COL21A1: variants seen among roughly 807,000 people sequenced by gnomAD.
COL21A1 encodes the protein collagen alpha-1(XXI) chain.
COL21A1 carries 149 observed loss-of-function variants against 137.9 expected under a neutral mutation model. That is an observed-to-expected ratio of 1.08 (90% CI 0.95 to 1.24). The LOEUF is 1.24. COL21A1 is among the 50% of genes most tolerant of loss of function. The pLI is 0.00. For missense variants in COL21A1, 1,167 were observed against 1,158.4 expected (o/e 1.01, Z -0.11); for synonymous variants, 456 against 391.5 (o/e 1.16, Z -1.95).
intron 16 of COL21A1, among the ~76,000 whole-genome samples, chr6:56,119,522 A>G (rs1181961391): frequency 1.3e-5 from 2 of 152,200 alleles, no homozygotes; most frequent in Non-Finnish European, 2.9e-5. Flanking sequence ...CTATCAAAAT[A>G]CCAATGACAT....
At chr6:56,391,518 A>C (rs1278064054) in intron 1 of COL21A1, among the ~76,000 whole-genome samples, 1 of 152,082 alleles carries the variant, frequency 6.6e-6, no homozygotes, top group African/African-American at 2.4e-5. Context: ...ACCTTTTTAA[A>C]TGAACAAAAT....
intron 16 of COL21A1, among the ~76,000 whole-genome samples, chr6:56,117,493 C>T (rs1772045521): frequency 6.6e-6 from 1 of 151,944 alleles, no homozygotes; most frequent in Non-Finnish European, 1.5e-5. Context: ...TAGCTGGAGA[C>T]TTCATCATTC....
intron 1 of COL21A1, among the ~76,000 whole-genome samples, chr6:56,314,056 C>G (rs530351265): frequency 1.6e-4 from 25 of 152,276 alleles, no homozygotes; most frequent in African/African-American, 5.5e-4. Flanking sequence ...GTGATCTCAG[C>G]TCACTGTAAC....
At chr6:56,166,643 C>A in intron 7 of COL21A1, 1 of 514,416 alleles carries the variant, frequency 1.9e-6, no homozygotes, top group Non-Finnish European at 3.5e-6. Flanking sequence ...AAGAGTGAGA[C>A]TCCAAATCAA....
At chr6:56,181,604 C>T (rs1447177733) in intron 2 of COL21A1, among the ~76,000 whole-genome samples, 1 of 152,058 alleles carries the variant, frequency 6.6e-6, no homozygotes, top group Non-Finnish European at 1.5e-5. Flanking sequence ...GCATGTATTT[C>T]ATAACTGTAA....
intron 1 of COL21A1, among the ~76,000 whole-genome samples, chr6:56,308,023 G>T (rs1016457127): frequency 1.3e-5 from 2 of 152,162 alleles, no homozygotes; most frequent in African/African-American, 4.8e-5. Flanking sequence ...AGGAAATTCT[G>T]CAATATGCAA....
chr6:56,313,578 C>T (rs190724430), intron 1 of COL21A1, among the ~76,000 whole-genome samples: 7 of 152,050 alleles, frequency 4.6e-5, no homozygotes, highest in Admixed American at 6.6e-5. Context: ...CTTATAAGGC[C>T]GCAGTGTTAT....
At chr6:56,266,962 A>G (rs1382273606) in intron 1 of COL21A1, among the ~76,000 whole-genome samples, 5 of 152,224 alleles carry the variant, frequency 3.3e-5, no homozygotes, top group Non-Finnish European at 5.9e-5. Flanking sequence ...ATGTACATAT[A>G]TATTTTTTAA....
rs145867740 is a variant in COL21A1 at position 56,314,743 on chromosome 6, C to T, written c.-39+79228G>A. On this transcript the variant is annotated intron_variant, in intron 1 of 28. Coordinates refer to the COL21A1 transcript ENST00000370819. Reference sequence around the variant, plus strand: ...TTATGTACCATTTGTGATTTTCCCACGAGAAGAAATAGAAACATATTGTGA... The same window carrying T: ...TTATGTACCATTTGTGATTTTCCCATGAGAAGAAATAGAAACATATTGTGA... Among the ~76,000 whole-genome samples, 94 of 152,200 alleles carry T rather than the reference C, an allele frequency of 6.2e-4. 1 individual carries two copies. The East Asian group carries it at 0.012, about 20-fold the overall frequency.
At chr6:56,169,720 T>A (rs754502987) in intron 5 of COL21A1, among the ~76,000 whole-genome samples, 5 of 151,938 alleles carry the variant, frequency 3.3e-5, no homozygotes, top group Non-Finnish European at 5.9e-5. Context: ...TTATGCAGAT[T>A]TCCTCTTATT....
intron 16 of COL21A1, among the ~76,000 whole-genome samples, chr6:56,115,266 C>T (rs1485693300): frequency 1.4e-5 from 2 of 146,096 alleles, no homozygotes; most frequent in African/African-American, 2.5e-5. Flanking sequence ...GCACAATGTG[C>T]ACATGTACCC....
At chr6:56,322,058 A>C (rs1392181440) in intron 1 of COL21A1, among the ~76,000 whole-genome samples, 1 of 152,082 alleles carries the variant, frequency 6.6e-6, no homozygotes, top group African/African-American at 2.4e-5. Flanking sequence ...ACTGAGAAAA[A>C]GCTCCAAAGC....
intron 1 of COL21A1, among the ~76,000 whole-genome samples, chr6:56,306,332 A>T (rs1013310773): frequency 7.3e-5 from 11 of 151,006 alleles, no homozygotes; most frequent in Admixed American, 5.3e-4. Context: ...GTGTTTTCCA[A>T]TTTGGTTCCA....
chr6:56,251,537 A>G (rs899020738), upstream of COL21A1, among the ~76,000 whole-genome samples: 1 of 152,232 alleles, frequency 6.6e-6, no homozygotes, highest in Non-Finnish European at 1.5e-5. Context: ...TATGAGCAAA[A>G]GCTCATTGTT....
At chr6:56,334,765 G>A (rs930558100) in intron 1 of COL21A1, among the ~76,000 whole-genome samples, 1 of 152,136 alleles carries the variant, frequency 6.6e-6, no homozygotes, top group Non-Finnish European at 1.5e-5. Context: ...ATTAGGTCAT[G>A]AGGGCTCTGC....
In COL21A1 at chr6:56,069,075, T is replaced by C. The variant is rs1049724939; in HGVS notation, c.2062A>G (p.Met688Val). 1.9e-6 allele frequency: 3 copies of C among 1,600,844 alleles called. No homozygotes were observed. In the African/African-American group the frequency reaches 4.0e-5, roughly 22 times the overall value. Residue 688 changes from methionine to valine, a missense_variant, in exon 22 of 30, where the codon ATG becomes GTG. Transcript: ENST00000244728. ...TTTCCTTGAATCCCGGGTAAACCCATGTATCCTGGTTCTCCTGGGGAACCC... is the reference window on the plus strand; with the variant it reads ...TTTCCTTGAATCCCGGGTAAACCCACGTATCCTGGTTCTCCTGGGGAACCC... ...ATGSPGEPGY[M>V]GLPGIQGKKG...
At chr6:56,112,343 C>A (rs1318527792) in intron 16 of COL21A1, among the ~76,000 whole-genome samples, 1 of 152,078 alleles carries the variant, frequency 6.6e-6, no homozygotes, top group Non-Finnish European at 1.5e-5. Flanking sequence ...CGATTGTCAC[C>A]CCCTCCCAGC....
chr6:56,161,691 C>A (rs112120977), intron 9 of COL21A1, among the ~76,000 whole-genome samples: 19 of 152,244 alleles, frequency 1.2e-4, no homozygotes, highest in African/African-American at 4.6e-4. Flanking sequence ...ATAAGCCATT[C>A]TTCCAGGAGA....
intron 1 of COL21A1, among the ~76,000 whole-genome samples, chr6:56,375,274 G>T (rs2093996996): frequency 6.6e-6 from 1 of 152,140 alleles, no homozygotes; most frequent in Non-Finnish European, 1.5e-5. Flanking sequence ...TGGCCCTCCA[G>T]ATCCACCCTC....
Sources: allele counts gnomAD v4.1 joint callset (sites outside exome capture counted in the v4.1 genomes callset), GRCh38; gene constraint gnomAD v4.1.1; transcripts MANE v1.5; gene names NCBI Gene and HGNC (gene_info 2026-07-23, HGNC 2026-07-21).